The following PCDH15 variants were observed in gnomAD, a reference collection of about 807,000 sequenced individuals.
The protein encoded by PCDH15 is protocadherin-15.
Under a neutral mutation model 178.5 loss-of-function variants are expected in PCDH15, and 129 were observed. The ratio of observed to expected loss-of-function variants is 0.72; its 90% CI spans 0.63 to 0.84. The LOEUF (loss-of-function observed/expected upper bound fraction) is 0.84, where lower values mean the gene tolerates loss of function less well. PCDH15 is among the 40% of genes least tolerant of loss of function. The pLI, the probability that PCDH15 is intolerant of heterozygous loss-of-function variation, is 0.00. For missense variants in PCDH15, 2,230 were observed against 2,099.9 expected (o/e 1.06, Z -1.21); for synonymous variants, 800 against 732.0 (o/e 1.09, Z -1.50).
intron 2 of PCDH15, among the ~76,000 whole-genome samples, chr10:55,626,159 G>GAATAAATAAATAAATA (rs751870281): frequency 4.1e-4 from 62 of 151,032 alleles, no homozygotes; most frequent in African/African-American, 1.4e-3. Context: ...GAGAGAGAGA[G>GAATAAATAAATAAATA]AATAAATAAA....
intron 8 of PCDH15, among the ~76,000 whole-genome samples, chr10:54,271,192 T>C (rs1380904970): frequency 1.3e-5 from 2 of 151,816 alleles, no homozygotes; most frequent in Non-Finnish European, 2.9e-5. Flanking sequence ...TTCTTTCACA[T>C]AATTATGTTC....
intron 3 of PCDH15, among the ~76,000 whole-genome samples, chr10:54,813,721 C>T (rs1408215809): frequency 6.6e-6 from 1 of 152,164 alleles, no homozygotes; most frequent in Non-Finnish European, 1.5e-5. Context: ...ACCACTGTTT[C>T]TCTTCAATCT....
intron 2 of PCDH15, among the ~76,000 whole-genome samples, chr10:54,962,179 G>A (rs934377282): frequency 1.3e-5 from 2 of 152,254 alleles, no homozygotes; most frequent in African/African-American, 4.8e-5. Context: ...GCAGTGACAT[G>A]CTCCTGGACT....
At chr10:54,413,828 A>T (rs1412567328) in intron 3 of PCDH15, among the ~76,000 whole-genome samples, 1 of 152,146 alleles carries the variant, frequency 6.6e-6, no homozygotes, top group Non-Finnish European at 1.5e-5. Flanking sequence ...ACATACGATA[A>T]TGGCCTACAA....
At chr10:54,382,133 T>C (rs1330273348) in intron 3 of PCDH15, among the ~76,000 whole-genome samples, 1 of 152,190 alleles carries the variant, frequency 6.6e-6, no homozygotes, top group Non-Finnish European at 1.5e-5. Context: ...GTCAATCTTT[T>C]ACAGCCTTAA....
At position 54,077,335 on chromosome 10, in the gene PCDH15, A is replaced by G. The variant is rs373078364; in HGVS notation, c.2091+1996T>C. 3.3e-5 allele frequency among the ~76,000 whole-genome samples: 5 copies of G among 152,200 alleles called. No homozygotes were observed. In the East Asian group the frequency reaches 9.6e-4, roughly 29 times the overall value. On this transcript the variant is annotated intron_variant, in intron 17 of 37. Transcript: ENST00000644397. ...TACTGAACAATGAACTAGAAAGAAC[A>G]AAACTACTGATTTTAGCCCAGAACT...
intron 1 of PCDH15, among the ~76,000 whole-genome samples, chr10:54,749,744 A>G (rs1479778579): frequency 6.6e-6 from 1 of 152,064 alleles, no homozygotes; most frequent in Non-Finnish European, 1.5e-5. Flanking sequence ...TGCAATTGAC[A>G]AAGTTAAATA....
chr10:54,289,857 A>G (rs1435232639), intron 8 of PCDH15, among the ~76,000 whole-genome samples: 2 of 152,184 alleles, frequency 1.3e-5, no homozygotes, highest in Non-Finnish European at 2.9e-5. Context: ...AAAAGGAGTA[A>G]AAAGAAACAA....
chr10:54,189,602 CAA>C (rs1407756321), intron 11 of PCDH15, among the ~76,000 whole-genome samples: 1 of 152,054 alleles, frequency 6.6e-6, no homozygotes, highest in East Asian at 1.9e-4. Context: ...AATTAAATAT[CAA>C]AGATACCTCT....
At chr10:55,350,079 T>C (rs1029284259) in intron 2 of PCDH15, among the ~76,000 whole-genome samples, 6 of 151,592 alleles carry the variant, frequency 4.0e-5, no homozygotes, top group African/African-American at 1.5e-4. Flanking sequence ...TCACCATTTT[T>C]CCATATAGCA....
At chr10:55,015,277 T>C (rs1016686480) in intron 2 of PCDH15, among the ~76,000 whole-genome samples, 1 of 152,228 alleles carries the variant, frequency 6.6e-6, no homozygotes, top group African/African-American at 2.4e-5. Context: ...CTCTTCTTTC[T>C]TGGCCAGTAG....
At chr10:55,298,301 A>C (rs2132275131) in intron 1 of PCDH15, among the ~76,000 whole-genome samples, 1 of 152,356 alleles carries the variant, frequency 6.6e-6, no homozygotes, top group East Asian at 1.9e-4. Context: ...TTATGTTTAC[A>C]AGATTTTAAA....
intron 13 of PCDH15, among the ~76,000 whole-genome samples, chr10:54,171,431 GC>G (rs1392470910): frequency 6.6e-6 from 1 of 152,042 alleles, no homozygotes; most frequent in African/African-American, 2.4e-5. Flanking sequence ...TTTTTATTAA[GC>G]CCCAGTCTCA....
At chr10:54,884,747 T>G (rs1954324414) in intron 3 of PCDH15, among the ~76,000 whole-genome samples, 1 of 152,074 alleles carries the variant, frequency 6.6e-6, no homozygotes, top group Admixed American at 6.6e-5. Context: ...AAGTAATAGT[T>G]TTCTCAGTGT....
At chr10:54,428,213 C>T (rs1222907231) in intron 3 of PCDH15, among the ~76,000 whole-genome samples, 4 of 152,272 alleles carry the variant, frequency 2.6e-5, no homozygotes, top group African/African-American at 7.2e-5. Context: ...CTGCCCAAAG[C>T]GGTGTCTCCT....
chr10:55,423,032 T>A (rs914847662), intron 2 of PCDH15, among the ~76,000 whole-genome samples: 1 of 151,904 alleles, frequency 6.6e-6, no homozygotes, highest in Non-Finnish European at 1.5e-5. Flanking sequence ...ATAAGGACTA[T>A]AGAAGTTATC....
chr10:54,301,269 G>T (rs2060134063), intron 8 of PCDH15, among the ~76,000 whole-genome samples: 1 of 152,120 alleles, frequency 6.6e-6, no homozygotes, highest in South Asian at 2.1e-4. Context: ...CTTTGAGGTA[G>T]AGTAAGACAC....
intron 25 of PCDH15, among the ~76,000 whole-genome samples, chr10:53,911,577 T>C (rs532591241): frequency 6.6e-6 from 1 of 152,152 alleles, no homozygotes; most frequent in African/African-American, 2.4e-5. Context: ...CAAATTCAAA[T>C]GCTAGCAGAA....
chr10:54,157,674 C>T (rs1196591112), intron 13 of PCDH15, among the ~76,000 whole-genome samples: 4 of 152,182 alleles, frequency 2.6e-5, no homozygotes, highest in Non-Finnish European at 5.9e-5. Flanking sequence ...GCTTTAACTT[C>T]TCCTTAGAAA....
Sources: gnomAD v4.1 joint callset for allele counts (sites outside exome capture counted in the v4.1 genomes callset) on GRCh38, gnomAD v4.1.1 for gene constraint, MANE v1.5 for transcripts, NCBI Gene and HGNC (gene_info 2026-07-23, HGNC 2026-07-21) for gene names.